Variants in GATA4 observed in about 807,000 individuals in gnomAD.
The protein encoded by GATA4 is transcription factor GATA-4.
A neutral mutation model predicts 37.9 loss-of-function variants in GATA4; 7 were observed. The ratio of observed to expected loss-of-function variants is 0.18; its 90% confidence interval spans 0.11 to 0.35. The LOEUF (loss-of-function observed/expected upper bound fraction) is 0.35, where lower values mean the gene tolerates loss of function less well. Among genes scored for constraint, GATA4 ranks in the 10% least tolerant of loss-of-function variants. GATA4 has a pLI of 1.00. For synonymous variants in GATA4, 372 were observed against 292.6 expected, an observed-to-expected ratio of 1.27 and a Z score of -2.77; for missense variants, 647 against 653.0, an observed-to-expected ratio of 0.99 and a Z score of 0.10.
At position 11,727,583 on chromosome 8, in the gene GATA4, C is replaced by T. The variant is rs530141083; in HGVS notation, c.616+18655C>T. Among the ~76,000 whole-genome samples, 16 of 152,224 alleles carry T rather than the reference C, an allele frequency of 1.1e-4. No individual in the cohort carries two copies. In the South Asian group the frequency reaches 3.3e-3, roughly 32 times the overall value. On this transcript the variant is annotated intron_variant, in intron 2 of 6. Coordinates refer to ENST00000532059, the MANE Select transcript of GATA4 (RefSeq NM_001308093.3). The stretch of plus-strand genomic sequence containing the variant: ...CTAGCCTGGGTGCGGTGGCTCACAC[C>T]TGTAATCCCAGCGCTTTGGGAGGCT...
chr8:11,752,241 C>T (rs1802338371), intron 4 of GATA4, among the ~76,000 whole-genome samples: 1 of 152,066 alleles, frequency 6.6e-6, no homozygotes, highest in Non-Finnish European at 1.5e-5. Context: ...GTGGACAGAC[C>T]AGTGGATGGG....
At chr8:11,716,560 C>T (rs922301229) in intron 2 of GATA4, among the ~76,000 whole-genome samples, 5 of 152,180 alleles carry the variant, frequency 3.3e-5, no homozygotes, top group African/African-American at 1.2e-4. Flanking sequence ...AGGGGGAAAT[C>T]TCTACTCCTG....
At chr8:11,739,816 G>A (rs986154009) in intron 2 of GATA4, among the ~76,000 whole-genome samples, 23 of 152,174 alleles carry the variant, frequency 1.5e-4, no homozygotes, top group African/African-American at 5.6e-4. Flanking sequence ...GCTCAGATGA[G>A]GCACTTGCCC....
upstream of GATA4, among the ~76,000 whole-genome samples, chr8:11,689,196 C>A (rs1017453314): frequency 6.6e-6 from 1 of 152,206 alleles, no homozygotes; most frequent in African/African-American, 2.4e-5. Context: ...CCAGTAACCA[C>A]TTATTTCTGG....
chr8:11,709,024 G>A lies in GATA4; in HGVS notation c.616+96G>A. On this transcript the variant is annotated intron_variant, in intron 2 of 6. Coordinates refer to ENST00000532059, the MANE Select transcript of GATA4 (RefSeq NM_001308093.3). This position sits in a 1 kb window ranked among gnomAD's most constrained non-coding sequence, Gnocchi z 4.3. ...CTCTTGTTTTTCCACCAACGCCTTCGTTGGGCTGGGGATGGTGCTTCACTA... is the reference window on the plus strand; with the variant it reads ...CTCTTGTTTTTCCACCAACGCCTTCATTGGGCTGGGGATGGTGCTTCACTA... The A allele has an allele frequency of 1.3e-5, 16 of 1,278,544 alleles. No homozygotes were observed. Among genetic ancestry groups the A allele is most frequent in the Non-Finnish European group, 1.7e-5 (16 of 965,176 alleles). 79.2% of individuals were successfully genotyped at this position (1,278,544 alleles called of 1,614,324 possible).
rs910395121 is a variant in GATA4 at position 11,749,425 on chromosome 8, C to A, written c.786+340C>A. ...CAGTCCAGTGTTGACTGGAGTGTCT[C>A]CTCCACCCACACCAACCCTGCAAGG... On this transcript the variant is annotated intron_variant, in intron 3 of 6. Coordinates refer to ENST00000532059, the MANE Select transcript of GATA4 (RefSeq NM_001308093.3). The surrounding 1 kb of genome is among the most constrained non-coding windows in gnomAD (Gnocchi z 4.6). Among the ~76,000 whole-genome samples the A allele has an allele frequency of 1.3e-5, 2 of 152,140 alleles. No homozygotes were observed. The highest frequency in any genetic ancestry group is 4.8e-5 in the African/African-American group (2 of 41,430).
At chr8:11,683,121 G>C (rs1799027687) in intron 1 of GATA4, 3 of 985,426 alleles carry the variant, frequency 3.0e-6, no homozygotes, top group Non-Finnish European at 3.6e-6. Context: ...TCTTGGTGTG[G>C]TGGCCACTGG....
intron 6 of GATA4, among the ~76,000 whole-genome samples, chr8:11,757,443 T>TA (rs1292116766): frequency 6.6e-6 from 1 of 152,096 alleles, no homozygotes; most frequent in African/African-American, 2.4e-5. Flanking sequence ...AACACAGAAG[T>TA]ACAACCTGAA....
intron 1 of GATA4, among the ~76,000 whole-genome samples, chr8:11,682,653 G>A (rs968723790): frequency 1.3e-5 from 2 of 152,106 alleles, no homozygotes; most frequent in African/African-American, 4.8e-5. Flanking sequence ...AATTTTTAAC[G>A]GGGAAAAACT....
rs2130307103 is a variant in GATA4, at chr8:11,749,000, C to T, written c.701C>T (p.Thr234Met). 1.2e-6 allele frequency: 2 copies of T among 1,614,174 alleles called. No homozygotes were observed. The highest frequency in any genetic ancestry group is 8.5e-7 in the Non-Finnish European group (1 of 1,180,018). Residue 234 changes from threonine to methionine, a missense_variant, in exon 3 of 7, where the codon ACG (threonine) becomes ATG (methionine). Around this residue, in one of 5 missense-constraint regions of GATA4, gnomAD observed 7 missense variants for 34.3 expected, o/e 0.20. Coordinates refer to ENST00000532059, the MANE Select transcript of GATA4 (RefSeq NM_001308093.3). ...MSTPLWRRDG[T>M]GHYLCNACGL... ...ACCCCGCTCTGGAGGCGAGATGGGA[C>T]GGGTCACTATCTGTGCAACGCCTGC...
At chr8:11,689,855 G>C (rs1799255553), upstream of GATA4, among the ~76,000 whole-genome samples, 1 of 152,204 alleles carries the variant, frequency 6.6e-6, no homozygotes, top group Non-Finnish European at 1.5e-5. Flanking sequence ...AGGGAAGTTT[G>C]GCCTTAGGAG....
chr8:11,739,450 T>C (rs1398930776), intron 2 of GATA4, among the ~76,000 whole-genome samples: 1 of 147,384 alleles, frequency 6.8e-6, no homozygotes, highest in East Asian at 1.9e-4. Flanking sequence ...TGGGCTGGCT[T>C]TTAGTGCAAC....
chr8:11,678,754 C>A (rs1179887869), intron 1 of GATA4, among the ~76,000 whole-genome samples: 6 of 152,076 alleles, frequency 3.9e-5, no homozygotes, highest in Non-Finnish European at 8.8e-5. Flanking sequence ...CTTGAAAGTC[C>A]CACTTTATGA....
At chr8:11,748,610 G>T (rs914525734) in intron 2 of GATA4, among the ~76,000 whole-genome samples, 1 of 152,176 alleles carries the variant, frequency 6.6e-6, no homozygotes, top group Non-Finnish European at 1.5e-5. Flanking sequence ...GAGGTGAGAG[G>T]CCTAGGGCTG....
At chr8:11,696,847 C>T (rs1371631878) in intron 1 of GATA4, among the ~76,000 whole-genome samples, 1 of 152,238 alleles carries the variant, frequency 6.6e-6, no homozygotes, top group Non-Finnish European at 1.5e-5. Flanking sequence ...GCAAGTAAGT[C>T]TTTCATTTAC....
At chr8:11,701,010 T>C (rs1799656936), upstream of GATA4, among the ~76,000 whole-genome samples, 1 of 152,306 alleles carries the variant, frequency 6.6e-6, no homozygotes, top group East Asian at 1.9e-4. Context: ...CCACCGTTTA[T>C]TTTTATTTTT....
At chr8:11,741,396 C>T (rs749122078) in intron 2 of GATA4, among the ~76,000 whole-genome samples, 6 of 151,978 alleles carry the variant, frequency 3.9e-5, no homozygotes, top group Non-Finnish European at 7.4e-5. Context: ...GGAGGATCGC[C>T]TGGGGCCGCG....
At chr8:11,723,803 ATTATCT>A (rs2130160843) in intron 2 of GATA4, among the ~76,000 whole-genome samples, 1 of 152,372 alleles carries the variant, frequency 6.6e-6, no homozygotes, top group East Asian at 1.9e-4. Context: ...TTTTAAAAAA[ATTATCT>A]TAAACTATAC....
intron 2 of GATA4, among the ~76,000 whole-genome samples, chr8:11,744,741 C>T (rs1403148565): frequency 6.6e-6 from 1 of 152,132 alleles, no homozygotes; most frequent in Non-Finnish European, 1.5e-5. Context: ...AAACTTCTGC[C>T]GATTTGGAGG....
Sources: gnomAD v4.1 joint callset for allele counts (sites outside exome capture counted in the v4.1 genomes callset) on GRCh38, gnomAD v4.1.1 for gene constraint, gnomAD v4.1.1 regional missense constraint, Gnocchi (gnomAD v3.1) non-coding constraint, MANE v1.5 for transcripts, NCBI Gene and HGNC (gene_info 2026-07-23, HGNC 2026-07-21) for gene names.